Variants in SNTB2 observed in about 807,000 individuals in gnomAD.
SNTB2 encodes beta-2-syntrophin.
SNTB2 carries 34 observed loss-of-function variants against 46.2 expected under a neutral mutation model. The observed-to-expected ratio is 0.74, with a 90% CI of 0.56 to 0.98. The LOEUF is 0.98. Among genes scored for constraint, SNTB2 ranks in the 50% least tolerant of loss-of-function variants. The probability of loss-of-function intolerance (pLI) is 0.00; values close to 1 mark genes in which losing one functional copy is unlikely to be tolerated. For missense variants in SNTB2, 603 were observed against 731.4 expected, an observed-to-expected ratio of 0.82 and a Z score of 2.02; for synonymous variants, 290 against 312.6, an observed-to-expected ratio of 0.93 and a Z score of 0.76.
chr16:69,292,415 ATATTATATATATATATATAT>A (rs1567416490), intron 5 of SNTB2, among the ~76,000 whole-genome samples: 368 of 17,584 alleles, frequency 0.021, 49 homozygotes, highest in Middle Eastern at 0.083. Flanking sequence ...TATTATATAT[ATATTATATATATATATATAT>A]TATATATATA....
intron 1 of SNTB2, among the ~76,000 whole-genome samples, chr16:69,189,064 T>G (rs761881603): frequency 6.6e-6 from 1 of 152,158 alleles, no homozygotes; most frequent in African/African-American, 2.4e-5. Context: ...GAAGTCCAAC[T>G]TGGCACAATG....
intron 1 of SNTB2, among the ~76,000 whole-genome samples, chr16:69,192,845 G>T (rs995063273): frequency 4.6e-5 from 7 of 152,032 alleles, no homozygotes; most frequent in Admixed American, 3.3e-4. Context: ...AATAATAAAA[G>T]AAATATAAAA....
intron 5 of SNTB2, among the ~76,000 whole-genome samples, chr16:69,297,067 G>T (rs1486491752): frequency 1.3e-5 from 2 of 151,692 alleles, no homozygotes; most frequent in Non-Finnish European, 2.9e-5. Flanking sequence ...CACTTTGGGA[G>T]ACCGAGGCAA....
In SNTB2 at chr16:69,187,640, G is replaced by T. The variant is rs1458230474; in HGVS notation, c.474G>T (p.Arg158=). 3 of 1,550,422 alleles carry T rather than the reference G, an allele frequency of 1.9e-6. No individual in the cohort carries two copies. The South Asian group carries it at 3.6e-5, about 19-fold the overall frequency. Reference sequence around the variant, plus strand: ...CTGCCGACCAGAGCCGGGCGCTGCGGCTGGGCGACGCCATCCTGTCGGTGA... The same window carrying T: ...CTGCCGACCAGAGCCGGGCGCTGCGTCTGGGCGACGCCATCCTGTCGGTGA... ...GLAADQSRAL[R]LGDAILSVNG... The change falls in exon 1 of 7, where the codon CGG becomes CGT. Residue 158 remains arginine (R), a synonymous_variant. Transcript: ENST00000336278.
At chr16:69,285,588 C>T (rs868172816) in intron 5 of SNTB2, among the ~76,000 whole-genome samples, 78 of 148,392 alleles carry the variant, frequency 5.3e-4, no homozygotes, top group African/African-American at 1.9e-3. Context: ...TTTAAGTGAT[C>T]CTCCCTCAAG....
intron 2 of SNTB2, among the ~76,000 whole-genome samples, chr16:69,257,707 A>C (rs1254431485): frequency 6.6e-6 from 1 of 152,106 alleles, no homozygotes; most frequent in Non-Finnish European, 1.5e-5. Flanking sequence ...GGCCTCCCAA[A>C]GTGCTGGGAT....
At chr16:69,193,022 A>T (rs1460170057) in intron 1 of SNTB2, among the ~76,000 whole-genome samples, 1 of 152,050 alleles carries the variant, frequency 6.6e-6, no homozygotes, top group East Asian at 1.9e-4. Flanking sequence ...TGAATGTGTT[A>T]TGGAAAGTAA....
intron 1 of SNTB2, among the ~76,000 whole-genome samples, chr16:69,197,466 T>G (rs542725317): frequency 2.0e-5 from 3 of 152,348 alleles, no homozygotes; most frequent in Admixed American, 6.5e-5. Context: ...ATAGTTTAAA[T>G]ATTTTATTAG....
At chr16:69,210,579 G>T (rs1400006880) in intron 1 of SNTB2, among the ~76,000 whole-genome samples, 3 of 152,032 alleles carry the variant, frequency 2.0e-5, no homozygotes, top group African/African-American at 4.8e-5. Context: ...TGTTGCCCAG[G>T]CTGGAGTGCA....
At chr16:69,245,940 AT>A (rs1287913958) in intron 2 of SNTB2, 125 bp downstream of exon 2, 30 of 989,594 alleles carry the variant, frequency 3.0e-5, no homozygotes, top group Non-Finnish European at 4.0e-5. Flanking sequence ...TGAGAGATGC[AT>A]TTTTGGGGTT....
chr16:69,247,427 T>G (rs887449499), intron 2 of SNTB2, among the ~76,000 whole-genome samples: 54 of 152,180 alleles, frequency 3.5e-4, no homozygotes, highest in Non-Finnish European at 1.5e-5. Flanking sequence ...AGGACAGACT[T>G]TTTATAATGT....
chr16:69,194,654 A>G (rs1034538116), intron 1 of SNTB2, among the ~76,000 whole-genome samples: 1 of 152,138 alleles, frequency 6.6e-6, no homozygotes, highest in African/African-American at 2.4e-5. Flanking sequence ...TTACTCATCC[A>G]TGTTCCAATC....
intron 3 of SNTB2, among the ~76,000 whole-genome samples, chr16:69,268,932 G>C (rs1048551321): frequency 1.3e-5 from 2 of 152,026 alleles, no homozygotes; most frequent in African/African-American, 4.8e-5. Context: ...CACTTTGGGA[G>C]GCCAAGGTGG....
intron 4 of SNTB2, among the ~76,000 whole-genome samples, chr16:69,282,106 T>G (rs1334283576): frequency 6.7e-6 from 1 of 149,696 alleles, no homozygotes; most frequent in Non-Finnish European, 1.5e-5. Context: ...GGTTTTACCA[T>G]GTGGGCTAGG....
intron 1 of SNTB2, among the ~76,000 whole-genome samples, chr16:69,229,973 T>C (rs1372246625): frequency 6.6e-6 from 1 of 151,822 alleles, no homozygotes; most frequent in Admixed American, 6.6e-5. Context: ...TTTTTGTAGA[T>C]ACATGGTCCT....
chr16:69,197,353 C>T (rs886800133), intron 1 of SNTB2, among the ~76,000 whole-genome samples: 3 of 152,068 alleles, frequency 2.0e-5, no homozygotes, highest in Non-Finnish European at 4.4e-5. Flanking sequence ...AGGGGAAAGG[C>T]ATGTCTAGAG....
At chr16:69,213,506 A>AT (rs5817662) in intron 1 of SNTB2, among the ~76,000 whole-genome samples, 56 of 148,490 alleles carry the variant, frequency 3.8e-4, no homozygotes, top group African/African-American at 7.6e-4. Flanking sequence ...TATTCTTCTT[A>AT]TTTTTTTTTT....
At chr16:69,266,440 A>AT (rs908171574) in intron 3 of SNTB2, among the ~76,000 whole-genome samples, 9 of 151,428 alleles carry the variant, frequency 5.9e-5, no homozygotes, top group South Asian at 2.1e-4. Flanking sequence ...CTTAGTTTTC[A>AT]TTTTTTTTTC....
chr16:69,281,736 G>T (rs974209536), intron 4 of SNTB2, among the ~76,000 whole-genome samples: 1 of 150,538 alleles, frequency 6.6e-6, no homozygotes, highest in Non-Finnish European at 1.5e-5. Flanking sequence ...CCAGCTATTC[G>T]GGAGACTAAG....
Sources: allele counts gnomAD v4.1 joint callset (sites outside exome capture counted in the v4.1 genomes callset), GRCh38; gene constraint gnomAD v4.1.1; transcripts MANE v1.5; gene names NCBI Gene and HGNC (gene_info 2026-07-23, HGNC 2026-07-21).